F13A1: variants seen among roughly 807,000 people sequenced by gnomAD.
F13A1 encodes the protein coagulation factor XIII A chain.
A neutral mutation model predicts 80.1 loss-of-function variants in F13A1; 47 were observed. The observed-to-expected ratio is 0.59, with a 90% CI of 0.46 to 0.75. The LOEUF (loss-of-function observed/expected upper bound fraction) is 0.75, where lower values mean the gene tolerates loss of function less well. Among genes scored for constraint, F13A1 ranks in the 30% least tolerant of loss-of-function variants. The pLI is 0.00. For synonymous variants in F13A1, 349 were observed against 344.9 expected (o/e 1.01, Z -0.13); for missense variants, 817 against 930.4 (o/e 0.88, Z 1.59).
At position 6,318,687 on chromosome 6, in the gene F13A1, AG is replaced by A. The variant is rs376077503; in HGVS notation, c.-18-6del. 11 of 1,515,700 alleles carry A rather than the reference AG, an allele frequency of 7.3e-6. No homozygotes were observed. The highest frequency in any genetic ancestry group is 2.1e-5 in the African/African-American group (1 of 47,746). The allele number at this position is 1,515,700 out of a possible 1,614,324, so 93.9% of individuals were successfully genotyped here. Reference sequence around the variant, plus strand: ...CATTTTTGACTTTACAAGGTCCTTCAGAAAAAAAAAAAAAAGAAGACAACAG... The same window carrying A: ...CATTTTTGACTTTACAAGGTCCTTCAAAAAAAAAAAAAAAGAAGACAACAG... On this transcript the variant is annotated splice_region_variant and splice_polypyrimidine_tract_variant and intron_variant, in intron 1 of 14. Coordinates refer to ENST00000264870, the MANE Select transcript of F13A1 (RefSeq NM_000129.4).
At chr6:6,283,127 G>C (rs1758089356) in intron 3 of F13A1, among the ~76,000 whole-genome samples, 1 of 152,180 alleles carries the variant, frequency 6.6e-6, no homozygotes, top group South Asian at 2.1e-4. Context: ...CAATCTTCCT[G>C]TGAAAGATAC....
At chr6:6,289,815 A>ATTT (rs35899540) in intron 3 of F13A1, among the ~76,000 whole-genome samples, 1 of 147,758 alleles carries the variant, frequency 6.8e-6, no homozygotes, top group African/African-American at 2.5e-5. Flanking sequence ...GAACTTTTCT[A>ATTT]TTTTTTTTTT....
In F13A1 at chr6:6,151,795, C is replaced by T. The variant is rs1561943307; in HGVS notation, c.2045+18G>A. The stretch of plus-strand genomic sequence containing the variant: ...CAGCCCTGCACTGCCTGCCCGGTCT[C>T]CCCAACCCAAGGTTTACCGGAACAT... On this transcript the variant is annotated intron_variant, in intron 14 of 14. Coordinates refer to ENST00000264870, the MANE Select transcript of F13A1 (RefSeq NM_000129.4). 5 of 1,614,006 alleles carry T rather than the reference C, an allele frequency of 3.1e-6. No homozygotes were observed. The South Asian group carries it at 4.4e-5, about 14-fold the overall frequency.
At chr6:6,316,164 A>G (rs1758683561) in intron 2 of F13A1, among the ~76,000 whole-genome samples, 2 of 107,482 alleles carry the variant, frequency 1.9e-5, no homozygotes, top group Non-Finnish European at 3.7e-5. Flanking sequence ...TGTCCTTCTC[A>G]TCTGGGACTT....
intron 8 of F13A1, among the ~76,000 whole-genome samples, chr6:6,217,534 G>T (rs1411620741): frequency 2.6e-5 from 3 of 117,312 alleles, no homozygotes; most frequent in Admixed American, 1.0e-4. Flanking sequence ...GTTGTGGGGT[G>T]GGGGGAGGGG....
chr6:6,211,727 C>A (rs1023598116), intron 8 of F13A1, among the ~76,000 whole-genome samples: 2 of 152,214 alleles, frequency 1.3e-5, no homozygotes, highest in Non-Finnish European at 2.9e-5. Flanking sequence ...GCGTGAGTGA[C>A]ACAGAAGACG....
chr6:6,269,782 T>G (rs1312841573), intron 3 of F13A1, among the ~76,000 whole-genome samples: 3 of 152,014 alleles, frequency 2.0e-5, no homozygotes, highest in African/African-American at 4.8e-5. Flanking sequence ...GGTGCAATCT[T>G]GGCTCACTGC....
intron 3 of F13A1, among the ~76,000 whole-genome samples, chr6:6,289,337 C>T (rs1236226040): frequency 6.6e-6 from 1 of 152,144 alleles, no homozygotes; most frequent in Non-Finnish European, 1.5e-5. Flanking sequence ...AGATGGCCTA[C>T]AAATGGCAGA....
At chr6:6,313,280 C>CTTTTTTTTTTTTTTTTTTT (rs5874027) in intron 2 of F13A1, among the ~76,000 whole-genome samples, 20 of 126,736 alleles carry the variant, frequency 1.6e-4, no homozygotes, top group African/African-American at 5.2e-4. Flanking sequence ...GCTAAGCCGC[C>CTTTTTTTTTTTTTTTTTTT]TTTTTTTTTT....
At chr6:6,209,334 A>C (rs185109002) in intron 8 of F13A1, among the ~76,000 whole-genome samples, 17 of 151,946 alleles carry the variant, frequency 1.1e-4, no homozygotes, top group African/African-American at 3.1e-4. Context: ...AAAAAAAAAA[A>C]AAAAACAGAA....
chr6:6,203,700 C>T (rs1761438655), intron 8 of F13A1, among the ~76,000 whole-genome samples: 1 of 152,144 alleles, frequency 6.6e-6, no homozygotes, highest in East Asian at 1.9e-4. Context: ...ACTCCTGACC[C>T]ACAGGAATTG....
intron 8 of F13A1, among the ~76,000 whole-genome samples, chr6:6,212,259 C>G (rs545737413): frequency 5.9e-5 from 9 of 152,348 alleles, no homozygotes; most frequent in East Asian, 1.9e-4. Flanking sequence ...GCAGTAACCT[C>G]TGCAGACTTA....
chr6:6,191,061 C>T (rs2151080452), intron 10 of F13A1, among the ~76,000 whole-genome samples: 1 of 152,398 alleles, frequency 6.6e-6, no homozygotes. Flanking sequence ...CCGAGTGAGG[C>T]AATGCCTCAC....
Position 6,297,125 on chromosome 6 carries a change from G to C in F13A1, c.319+8226C>G, listed in dbSNP as rs1180733034. On this transcript the variant is annotated intron_variant, in intron 3 of 14. Coordinates refer to ENST00000264870, the MANE Select transcript of F13A1 (RefSeq NM_000129.4). ...CTTGATCATGGTGGATAAGCTTTTT[G>C]ATGTGCTGCTGGATTCGGTTTGCCA... is the stretch of plus-strand genomic sequence containing the variant. Among the ~76,000 whole-genome samples the C allele has an allele frequency of 1.1e-4, 16 of 149,252 alleles. No individual in the cohort carries two copies. The East Asian group carries it at 2.3e-3, about 22-fold the overall frequency.
chr6:6,204,698 C>CTT lies in F13A1; in HGVS notation c.1113-7374_1113-7373dup, dbSNP rs569895950. On this transcript the variant is annotated intron_variant, in intron 8 of 14. Coordinates refer to ENST00000264870, the MANE Select transcript of F13A1 (RefSeq NM_000129.4). ...TTCAAAGTGGAAATGAAAGCCTGGACTTAGAAAAAAACTTGTTAGGAAATA... is the reference window on the plus strand; with the variant it reads ...TTCAAAGTGGAAATGAAAGCCTGGACTTTTAGAAAAAAACTTGTTAGGAAATA... Among the ~76,000 whole-genome samples the CTT allele has an allele frequency of 4.3e-3, 657 of 152,030 alleles. 7 individuals are homozygous for CTT. The highest frequency in any genetic ancestry group is 3.8e-3 in the Non-Finnish European group (257 of 67,992).
In F13A1 at chr6:6,313,984, C is replaced by CACTTTTTTTTTTTTTTTTTTTTT. The variant is rs374113663; in HGVS notation, c.130+4550_130+4551insAAAAAAAAAAAAAAAAAAAAAGT. Among the ~76,000 whole-genome samples, 2 of 139,310 alleles carry CACTTTTTTTTTTTTTTTTTTTTT rather than the reference C, an allele frequency of 1.4e-5. 1 individual carries two copies. The highest frequency in any genetic ancestry group is 3.0e-5 in the Non-Finnish European group (2 of 65,948). 91.4% of individuals were successfully genotyped at this position (139,310 alleles called of 152,430 possible). On this transcript the variant is annotated intron_variant, in intron 2 of 14. Transcript: ENST00000264870. ...TCTCCTGTTCTCCATTTTCTCCTTA[C>CACTTTTTTTTTTTTTTTTTTTTT]TCTTTTTTTTTTTTGAAACGGAGTC...
chr6:6,276,633 G>A (rs2113136718), intron 3 of F13A1, among the ~76,000 whole-genome samples: 1 of 151,364 alleles, frequency 6.6e-6, no homozygotes, highest in South Asian at 2.1e-4. Context: ...TAGCTATCAG[G>A]ATGCAGAACA....
At chr6:6,159,599 G>C (rs1023870071) in intron 13 of F13A1, among the ~76,000 whole-genome samples, 6 of 152,246 alleles carry the variant, frequency 3.9e-5, no homozygotes, top group South Asian at 2.1e-4. Context: ...TCCCCTCACT[G>C]TCTCCTTCCC....
At chr6:6,270,859 G>T (rs1294148794) in intron 3 of F13A1, among the ~76,000 whole-genome samples, 2 of 152,214 alleles carry the variant, frequency 1.3e-5, no homozygotes, top group African/African-American at 4.8e-5. Context: ...CCAGAAATGT[G>T]GATCAAAGGA....
Sources: gnomAD v4.1 joint callset for allele counts (sites outside exome capture counted in the v4.1 genomes callset) on GRCh38, gnomAD v4.1.1 for gene constraint, MANE v1.5 for transcripts, NCBI Gene and HGNC (gene_info 2026-07-23, HGNC 2026-07-21) for gene names.